Variants in TENM4 observed in about 807,000 individuals in gnomAD.
The protein encoded by TENM4 is teneurin-4.
Under a neutral mutation model 243.3 loss-of-function variants are expected in TENM4, and 82 were observed. The ratio of observed to expected loss-of-function variants is 0.34; its 90% confidence interval spans 0.28 to 0.40. The LOEUF (loss-of-function observed/expected upper bound fraction) is 0.40. TENM4 is among the 10% of genes least tolerant of loss of function. The pLI is 1.00. For synonymous variants in TENM4, 1,412 were observed against 1,456.3 expected, an observed-to-expected ratio of 0.97 and a Z score of 0.69; for missense variants, 3,138 against 3,673.3, an observed-to-expected ratio of 0.85 and a Z score of 3.77.
chr11:78,952,081 C>T (rs1428102343), intron 6 of TENM4, among the ~76,000 whole-genome samples: 1 of 152,166 alleles, frequency 6.6e-6, no homozygotes, highest in African/African-American at 2.4e-5. Context: ...TTCTGTCTCC[C>T]CAACAGGGGT....
At chr11:79,376,004 A>T (rs546274762) in intron 1 of TENM4, among the ~76,000 whole-genome samples, 31 of 152,330 alleles carry the variant, frequency 2.0e-4, no homozygotes, top group African/African-American at 7.2e-4. Context: ...TTACATTCTA[A>T]AGGAAAAGTT....
chr11:78,960,150 C>A (rs891672325), intron 6 of TENM4, among the ~76,000 whole-genome samples: 6 of 152,016 alleles, frequency 3.9e-5, no homozygotes, highest in South Asian at 2.1e-4. Context: ...TCTCCTTGCT[C>A]CCAGCCCAGG....
chr11:78,672,036 C>T lies in TENM4; in HGVS notation c.5790G>A (p.Glu1930=), dbSNP rs1858340971. The T allele has an allele frequency of 6.2e-7, 1 of 1,612,074 alleles. No homozygotes were observed. The highest frequency in any genetic ancestry group is 8.5e-7 in the Non-Finnish European group (1 of 1,178,544). ...DGKTWSYTYL[E]KSMVLLLHSQ... is the part of the protein sequence containing the mutation. ...ATGCAGGGAGACAGACACCTGCCTT[C>T]TCTAAGTATGTGTAGCTCCATGTCT... The change falls in exon 31 of 34, where the codon GAG becomes GAA. Residue 1930 remains glutamate (E), a synonymous_variant. Transcript: ENST00000278550.
intron 1 of TENM4, among the ~76,000 whole-genome samples, chr11:79,333,810 C>G (rs1313883246): frequency 6.6e-6 from 1 of 152,192 alleles, no homozygotes; most frequent in African/African-American, 2.4e-5. Context: ...AAAAGTAAGA[C>G]TCAAAGAGGT....
chr11:78,759,751 T>G (rs145574843), intron 18 of TENM4, among the ~76,000 whole-genome samples: 1 of 152,208 alleles, frequency 6.6e-6, no homozygotes, highest in Non-Finnish European at 1.5e-5. Flanking sequence ...GAATGCATCA[T>G]TGAATCCTCT....
At chr11:78,735,895 T>C (rs1855779036) in intron 20 of TENM4, among the ~76,000 whole-genome samples, 1 of 136,690 alleles carries the variant, frequency 7.3e-6, no homozygotes, top group Non-Finnish European at 1.6e-5. Flanking sequence ...CCTTTCTCCC[T>C]TTCCTTTCCC....
intron 2 of TENM4, among the ~76,000 whole-genome samples, chr11:79,233,160 CTTCCCAAACAATGTTA>C (rs1864402303): frequency 6.6e-6 from 1 of 152,232 alleles, no homozygotes; most frequent in Non-Finnish European, 1.5e-5. Flanking sequence ...TTGGGTTTCC[CTTCCCAAACAATGTTA>C]TTTACTAACA....
chr11:78,659,929 A>G (rs990958884), intron 33 of TENM4, among the ~76,000 whole-genome samples: 10 of 152,372 alleles, frequency 6.6e-5, no homozygotes, highest in African/African-American at 2.4e-4. Context: ...TTTATAATTA[A>G]TAGAACCCTG....
At chr11:79,409,460 G>A (rs1220967985) in intron 1 of TENM4, among the ~76,000 whole-genome samples, 2 of 152,118 alleles carry the variant, frequency 1.3e-5, no homozygotes, top group Non-Finnish European at 2.9e-5. Flanking sequence ...AATGAGGGGC[G>A]GCAGGAATCC....
chr11:78,812,173 T>C lies in TENM4; in HGVS notation c.1927A>G (p.Thr643Ala). The change falls in exon 14 of 34, where the codon ACG becomes GCG. Residue 643 changes from threonine (T) to alanine (A), a missense_variant. Physicochemically the swap from Thr to Ala is moderately conservative, Grantham distance 58. Coordinates refer to ENST00000278550, the MANE Select transcript of TENM4 (RefSeq NM_001098816.3). ...CCAGGGTTGCAGATGCAGGTGCCCGTGATGCAGGTGCCATGGTTGCTGCAG... is the reference window on the plus strand; with the variant it reads ...CCAGGGTTGCAGATGCAGGTGCCCGCGATGCAGGTGCCATGGTTGCTGCAG... ...VACSNHGTCI[T>A]GTCICNPGYK... The C allele has an allele frequency of 6.4e-7, 1 of 1,551,824 alleles. No homozygotes were observed. Among genetic ancestry groups the C allele is most frequent in the Non-Finnish European group, 8.7e-7 (1 of 1,147,044 alleles).
intron 4 of TENM4, among the ~76,000 whole-genome samples, chr11:79,077,012 G>T (rs1860550285): frequency 6.6e-6 from 1 of 152,144 alleles, no homozygotes; most frequent in Admixed American, 6.5e-5. Context: ...GAAAATGTTT[G>T]AACCTCAAGA....
chr11:79,066,630 A>G (rs1181604704), intron 5 of TENM4, among the ~76,000 whole-genome samples: 1 of 151,652 alleles, frequency 6.6e-6, no homozygotes, highest in African/African-American at 2.4e-5. Context: ...GCGCACACAC[A>G]TGAACACACA....
At chr11:78,985,623 T>G (rs572403975) in intron 6 of TENM4, among the ~76,000 whole-genome samples, 4 of 152,390 alleles carry the variant, frequency 2.6e-5, no homozygotes, top group African/African-American at 9.6e-5. Flanking sequence ...TTGTTTATTT[T>G]ATCTATTTAT....
intron 15 of TENM4, among the ~76,000 whole-genome samples, chr11:78,802,057 C>G (rs1026184498): frequency 6.6e-6 from 1 of 152,154 alleles, no homozygotes; most frequent in African/African-American, 2.4e-5. Context: ...ACTCTTCCCC[C>G]AAAAAGCCCA....
intron 15 of TENM4, among the ~76,000 whole-genome samples, chr11:78,804,040 T>C (rs768507684): frequency 1.3e-4 from 20 of 152,220 alleles, no homozygotes; most frequent in Admixed American, 2.6e-4. Context: ...ATCTCATTTT[T>C]GCCAAAGGTC....
Position 78,737,926 on chromosome 11 carries a change from A to C in TENM4, c.2876+525T>G, listed in dbSNP as rs550799223. Among the ~76,000 whole-genome samples the C allele has an allele frequency of 9.2e-5, 14 of 152,364 alleles. No homozygotes were observed. The East Asian group carries it at 2.3e-3, about 25-fold the overall frequency. On this transcript the variant is annotated intron_variant, in intron 20 of 33. Transcript: ENST00000278550. ...AAACAGCATTAGGACCATTTAACAG[A>C]TGAAGCCAAGACACAGAGAGGTAAG... is the stretch of plus-strand genomic sequence containing the variant.
intron 6 of TENM4, among the ~76,000 whole-genome samples, chr11:79,002,658 T>C (rs1465145172): frequency 6.6e-6 from 1 of 152,156 alleles, no homozygotes; most frequent in African/African-American, 2.4e-5. Flanking sequence ...ATTGGAAGGA[T>C]AGCAACTTGA....
intron 6 of TENM4, among the ~76,000 whole-genome samples, chr11:78,998,202 A>G (rs1451655921): frequency 6.6e-6 from 1 of 152,252 alleles, no homozygotes. Context: ...GCTTCATGGT[A>G]CAGTAGAAAA....
At chr11:79,374,824 C>T (rs1180981774) in intron 1 of TENM4, among the ~76,000 whole-genome samples, 1 of 152,032 alleles carries the variant, frequency 6.6e-6, no homozygotes, top group African/African-American at 2.4e-5. Flanking sequence ...TAACAGAGTC[C>T]CAAAGTGCTT....
Sources: gnomAD v4.1 joint callset for allele counts (sites outside exome capture counted in the v4.1 genomes callset) on GRCh38, gnomAD v4.1.1 for gene constraint, MANE v1.5 for transcripts, NCBI Gene and HGNC (gene_info 2026-07-23, HGNC 2026-07-21) for gene names.